DDB1: variants seen among roughly 807,000 people sequenced by gnomAD.
DDB1 encodes the protein damage specific DNA binding protein 1, also known as DNA damage-binding protein 1.
Under a neutral mutation model 133.1 loss-of-function variants are expected in DDB1, and 18 were observed. The observed-to-expected ratio is 0.14, with a 90% CI of 0.09 to 0.20. DDB1 has a LOEUF of 0.20. DDB1 is among the 10% of genes least tolerant of loss of function. DDB1 has a pLI of 1.00. For missense variants in DDB1, 828 were observed against 1,459.2 expected (o/e 0.57, Z 7.05); for synonymous variants, 580 against 550.5 (o/e 1.05, Z -0.75).
chr11:61,322,884 G>A (rs1393213690), intron 8 of DDB1, 127 bp downstream of exon 8: 1 of 767,844 alleles, frequency 1.3e-6, no homozygotes, highest in Non-Finnish European at 2.1e-6. Flanking sequence ...AATTAACCAA[G>A]TAGAAAGCTG....
At chr11:61,309,713 G>T in intron 20 of DDB1, 83 bp downstream of exon 20, 1 of 1,460,542 alleles carries the variant, frequency 6.8e-7, no homozygotes, top group Non-Finnish European at 9.4e-7. Context: ...CTGCTTAACT[G>T]AGGCTCTCTG....
At position 61,309,940 on chromosome 11, in the gene DDB1, G is replaced by A. The variant is rs1354577049; in HGVS notation, c.2422C>T (p.Leu808=). The change falls in exon 20 of 27, where the codon CTG becomes TTG. Residue 808 remains leucine (L), a synonymous_variant. Coordinates refer to ENST00000301764, the MANE Select transcript of DDB1 (RefSeq NM_001923.5). The part of the protein sequence containing the change: ...TFEVLHAHQF[L]QNEYALSLVS... ...AGACTGAGGGCATATTCATTCTGCA[G>A]AAACTGGTGGGCATGAAGCACTAGA... The A allele has an allele frequency of 1.2e-6, 2 of 1,614,108 alleles. No individual in the cohort carries two copies. The highest frequency in any genetic ancestry group is 4.5e-5 in the East Asian group (2 of 44,894).
At chr11:61,322,260 C>CAT (rs772646183) in intron 9 of DDB1, 36 bp downstream of exon 9, 5 of 1,504,852 alleles carry the variant, frequency 3.3e-6, no homozygotes, top group Admixed American at 3.3e-5. Context: ...TTTGAGTGGG[C>CAT]ATATACCAAC....
chr11:61,332,617 C>G, intron 1 of DDB1: 2 of 341,748 alleles, frequency 5.9e-6, no homozygotes, highest in Non-Finnish European at 5.3e-6. Flanking sequence ...CCAAACGACA[C>G]CGCACAACCA....
chr11:61,321,988 G>T, intron 9 of DDB1: 1 of 534,476 alleles, frequency 1.9e-6, no homozygotes, highest in Non-Finnish European at 3.3e-6. Context: ...AGATACACCT[G>T]CCACTTATTA....
At position 61,301,210 on chromosome 11, in the gene DDB1, T is replaced by C. The variant is rs1225650550; in HGVS notation, c.3216-278A>G. 8.7e-6 allele frequency: 3 copies of C among 343,224 alleles called. No homozygotes were observed. In the Admixed American group the frequency reaches 1.3e-4, roughly 15 times the overall value. 21.3% of individuals were successfully genotyped at this position (343,224 alleles called of 1,614,324 possible). ...AAGCCCGTATATGTATGGAAGTTCT[T>C]TAAAAGTGCTCTAGGCAAAGCTGAT... On this transcript the variant is annotated intron_variant, in intron 25 of 26. Coordinates refer to ENST00000301764, the MANE Select transcript of DDB1 (RefSeq NM_001923.5).
At chr11:61,318,672 T>G (rs1856128394) in intron 10 of DDB1, among the ~76,000 whole-genome samples, 2 of 152,234 alleles carry the variant, frequency 1.3e-5, no homozygotes. Flanking sequence ...CTGACTTACC[T>G]AATAGTGTTT....
intron 21 of DDB1, among the ~76,000 whole-genome samples, chr11:61,304,517 A>G (rs1321625887): frequency 6.6e-6 from 1 of 152,132 alleles, no homozygotes; most frequent in Non-Finnish European, 1.5e-5. Flanking sequence ...ACATTGACAA[A>G]TAACTAAAGG....
At chr11:61,324,874 C>T (rs1187574475) in intron 6 of DDB1, among the ~76,000 whole-genome samples, 2 of 152,164 alleles carry the variant, frequency 1.3e-5, no homozygotes, top group African/African-American at 4.8e-5. Flanking sequence ...TACGGCTGGG[C>T]ACAGTGGCTC....
At position 61,299,984 on chromosome 11, in the gene DDB1, C is replaced by T. The variant is rs1055508223; in HGVS notation, c.*152G>A. The T allele has an allele frequency of 5.8e-6, 4 of 686,218 alleles. No homozygotes were observed. The highest frequency in any genetic ancestry group is 1.8e-5 in the African/African-American group (1 of 56,074). 42.5% of individuals were successfully genotyped at this position (686,218 alleles called of 1,614,324 possible). ...CTCATTCCCAAGTCTCTATGAAGCC[C>T]GCCCCACTTCCACATAGGGGAACTG... is the stretch of plus-strand genomic sequence containing the variant. On this transcript the variant is annotated 3_prime_UTR_variant, in exon 27 of 27. Transcript: ENST00000301764.
intron 21 of DDB1, 52 bp from the exon 22 acceptor site, chr11:61,304,087 T>TG (rs754242316): frequency 6.2e-7 from 1 of 1,603,218 alleles, no homozygotes; most frequent in Admixed American, 1.7e-5. Flanking sequence ...TCTCTCAGAA[T>TG]GACTCCCCCC....
intron 16 of DDB1, among the ~76,000 whole-genome samples, chr11:61,312,318 T>TA (rs552377282): frequency 2.0e-3 from 304 of 152,286 alleles, no homozygotes; most frequent in Non-Finnish European, 3.8e-3. Flanking sequence ...CATTTAATGA[T>TA]AATGTGCAAC....
At position 61,325,817 on chromosome 11, in the gene DDB1, T is replaced by G. The variant is rs1427138627; in HGVS notation, c.665-109A>C. 5 of 836,644 alleles carry G rather than the reference T, an allele frequency of 6.0e-6. No homozygotes were observed. The Admixed American group carries it at 1.0e-4, about 17-fold the overall frequency. The allele number at this position is 836,644 out of a possible 1,614,324, so 51.8% of individuals were successfully genotyped here. A position where few individuals can be genotyped will look rare whatever the true frequency, so the allele number is the denominator to read the frequency against. On this transcript the variant is annotated intron_variant, in intron 5 of 26. Coordinates refer to ENST00000301764, the MANE Select transcript of DDB1 (RefSeq NM_001923.5). ...CCCAAGGCAAACTTTAAGGTCATCA[T>G]TATTTTAAAAAGGACATCAAAGCCC...
At chr11:61,313,391 T>G (rs1288940156) in intron 16 of DDB1, 108 bp downstream of exon 16, 1 of 1,011,180 alleles carries the variant, frequency 9.9e-7, no homozygotes, top group Non-Finnish European at 1.5e-6. Flanking sequence ...ACTTCCCATC[T>G]CAGTTATGAT....
chr11:61,326,325 G>T (rs575817224), intron 5 of DDB1: 13 of 206,262 alleles, frequency 6.3e-5, no homozygotes, highest in South Asian at 5.9e-4. Flanking sequence ...TTTTGTTGTT[G>T]TTTTTTTTTT....
chr11:61,322,328 C>T lies in DDB1; in HGVS notation c.1090G>A (p.Val364Met), dbSNP rs1856195223. ...TNLGPIVDMC[V>M]VDLERQGQGQ... ...TGCCCCTGCCTCTCCAGGTCCACCA[C>T]GCACATATCGACAATGGGTCCTAAG... Residue 364 changes from valine to methionine, a missense_variant, in exon 9 of 27, where the codon GTG (valine) becomes ATG (methionine). Around this residue, in one of 7 missense-constraint regions of DDB1, gnomAD observed 35 missense variants for 123.3 expected, o/e 0.28. Coordinates refer to ENST00000301764, the MANE Select transcript of DDB1 (RefSeq NM_001923.5). 2 of 1,614,166 alleles carry T rather than the reference C, an allele frequency of 1.2e-6. No homozygotes were observed. Among genetic ancestry groups the T allele is most frequent in the Non-Finnish European group, 1.7e-6 (2 of 1,180,034 alleles).
intron 25 of DDB1, chr11:61,301,407 A>G (rs1207204952): frequency 6.5e-6 from 1 of 153,382 alleles, no homozygotes; most frequent in Non-Finnish European, 1.5e-5. Context: ...TACAAAAAAC[A>G]AAATTTTTTT....
chr11:61,311,356 TAACATAACATAAAACATAACATAA>T (rs1212852614), intron 18 of DDB1: 1 of 153,820 alleles, frequency 6.5e-6, no homozygotes, highest in African/African-American at 2.9e-5. Flanking sequence ...ACATAACACA[TAACATAACATAAAACATAACATAA>T]AACATAACAT....
intron 21 of DDB1, among the ~76,000 whole-genome samples, chr11:61,307,588 C>A (rs1168469484): frequency 6.6e-6 from 1 of 152,228 alleles, no homozygotes; most frequent in African/African-American, 2.4e-5. Flanking sequence ...TCTCTATGGG[C>A]TCTCAGCACA....
Sources: gnomAD v4.1 joint callset for allele counts (sites outside exome capture counted in the v4.1 genomes callset) on GRCh38, gnomAD v4.1.1 for gene constraint, gnomAD v4.1.1 regional missense constraint, MANE v1.5 for transcripts, NCBI Gene and HGNC (gene_info 2026-07-23, HGNC 2026-07-21) for gene names.